Variants in BANP observed in about 807,000 individuals in gnomAD.
BANP encodes protein BANP.
In BANP, 11 loss-of-function variants were observed where a neutral mutation model predicts 68.1. The ratio of observed to expected loss-of-function variants is 0.16; its 90% confidence interval spans 0.10 to 0.27. BANP has a LOEUF of 0.27. Among genes scored for constraint, BANP ranks in the 10% least tolerant of loss-of-function variants. BANP has a pLI of 1.00. For synonymous variants in BANP, 329 were observed against 303.2 expected (o/e 1.09, Z -0.88); for missense variants, 504 against 722.7 (o/e 0.70, Z 3.47).
chr16:88,065,858 C>G (rs935338583), intron 12 of BANP, among the ~76,000 whole-genome samples: 3 of 152,062 alleles, frequency 2.0e-5, no homozygotes, highest in African/African-American at 7.2e-5. Flanking sequence ...CCACAGGATC[C>G]CAGCCCCACA....
intron 11 of BANP, among the ~76,000 whole-genome samples, chr16:88,044,244 C>T (rs532565032): frequency 3.2e-4 from 49 of 152,356 alleles, no homozygotes; most frequent in Non-Finnish European, 6.3e-4. Flanking sequence ...CAAGCCACAG[C>T]AGGAAGCAGC....
At chr16:88,025,073 G>C (rs2076730228) in intron 7 of BANP, among the ~76,000 whole-genome samples, 1 of 152,170 alleles carries the variant, frequency 6.6e-6, no homozygotes, top group Middle Eastern at 3.2e-3. Context: ...GCGGTTCTGA[G>C]GATGTTTCTT....
intron 4 of BANP, among the ~76,000 whole-genome samples, chr16:87,999,441 C>T (rs1371531933): frequency 9.0e-5 from 4 of 44,334 alleles, no homozygotes; most frequent in Admixed American, 3.7e-4. Flanking sequence ...TCTCCATGCA[C>T]GCACGTGCGC....
chr16:88,063,521 G>A (rs566552012), intron 11 of BANP, among the ~76,000 whole-genome samples: 2 of 152,364 alleles, frequency 1.3e-5, no homozygotes, highest in Admixed American at 1.3e-4. Context: ...CGTCTGTGGG[G>A]TGACCGCTGG....
Position 88,006,243 on chromosome 16 carries a change from G to C in BANP, c.633G>C (p.Thr211=), listed in dbSNP as rs372273341. ...GTCAGAGCATCGGGAGCAACGTCACGCTCATCACCCTGAACTCGGAAGGTG... is the reference window on the plus strand; with the variant it reads ...GTCAGAGCATCGGGAGCAACGTCACCCTCATCACCCTGAACTCGGAAGGTG... ...AGSQSIGSNV[T]LITLNSEEDY... Residue 211 remains threonine (T), a synonymous_variant, in exon 6 of 14, where the codon ACG becomes ACC. Transcript: ENST00000682872. 1 of 1,608,774 alleles carries C rather than the reference G, an allele frequency of 6.2e-7. No homozygotes were observed.
At chr16:87,994,002 T>C (rs1255735450) in intron 4 of BANP, among the ~76,000 whole-genome samples, 1 of 152,178 alleles carries the variant, frequency 6.6e-6, no homozygotes, top group Non-Finnish European at 1.5e-5. Flanking sequence ...AATTGAAAGA[T>C]GACGTTAGAG....
Position 88,033,117 on chromosome 16 carries a change from A to G in BANP, c.1072A>G (p.Met358Val). The change falls in exon 9 of 14, where the codon ATG (methionine) becomes GTG (valine). Residue 358 changes from methionine (M) to valine (V), a missense_variant. This residue lies in a region of BANP where 223 missense variants were observed against 246.2 expected (regional missense o/e 0.91). Coordinates refer to ENST00000682872, the MANE Select transcript of BANP (RefSeq NM_001386991.1). ...SSSYCPSEPMMSTPPPASELP... is the reference protein window; with the variant it reads ...SSSYCPSEPMVSTPPPASELP... ...ACCTGTTGCCCCCACAGAGCCGATGATGAGCACCCCACCTCCTGCCAGCGA... is the reference window on the plus strand; with the variant it reads ...ACCTGTTGCCCCCACAGAGCCGATGGTGAGCACCCCACCTCCTGCCAGCGA... The G allele has an allele frequency of 1.2e-6, 2 of 1,604,532 alleles. No individual in the cohort carries two copies. The highest frequency in any genetic ancestry group is 1.7e-4 in the Middle Eastern group (1 of 5,952).
chr16:87,975,227 A>C, intron 2 of BANP, 42 bp downstream of exon 2: 1 of 1,601,126 alleles, frequency 6.2e-7, no homozygotes, highest in South Asian at 1.1e-5. Context: ...TATTCTCTTT[A>C]TTCTTCAAAA....
rs559510380 is a variant in BANP, at chr16:87,961,109, G to C, written c.-69+9594G>C. On this transcript the variant is annotated intron_variant, in intron 1 of 13. Coordinates refer to ENST00000682872, the MANE Select transcript of BANP (RefSeq NM_001386991.1). ...CACGCCTGGGTAAAAGATCCATTTA[G>C]AGTACAAGTCAAGCCAATGGATCTT... Among the ~76,000 whole-genome samples, 3 of 152,332 alleles carry C rather than the reference G, an allele frequency of 2.0e-5. No individual in the cohort carries two copies. The South Asian group carries it at 6.2e-4, about 32-fold the overall frequency.
intron 13 of BANP, among the ~76,000 whole-genome samples, chr16:88,074,786 C>G (rs538807324): frequency 2.0e-5 from 3 of 152,206 alleles, no homozygotes; most frequent in Admixed American, 1.3e-4. Flanking sequence ...TCCCGTTAGG[C>G]CTTCCCAGCT....
intron 9 of BANP, among the ~76,000 whole-genome samples, chr16:88,033,567 C>G (rs369475669): frequency 6.6e-6 from 1 of 152,136 alleles, no homozygotes; most frequent in Non-Finnish European, 1.5e-5. Flanking sequence ...TGCCCCAGCT[C>G]GTGCTCCTGG....
In BANP at chr16:88,071,656, G is replaced by A. The variant is rs755058064; in HGVS notation, c.1378-413G>A. ...GTTTGGGTCTCAGCCTCACGCTCAC[G>A]GTCCTGGCTTGGATTTTAGGCCTCA... On this transcript the variant is annotated intron_variant, in intron 12 of 13. Transcript: ENST00000682872. This position sits in a 1 kb window ranked among gnomAD's most constrained non-coding sequence, Gnocchi z 6.5. 4.3e-5 allele frequency: 20 copies of A among 469,384 alleles called. No homozygotes were observed. The highest frequency in any genetic ancestry group is 3.3e-4 in the East Asian group (5 of 15,338). The allele number at this position is 469,384 out of a possible 1,614,324, so 29.1% of individuals were successfully genotyped here. A position where few individuals can be genotyped will look rare whatever the true frequency, so the allele number is the denominator to read the frequency against.
In BANP at chr16:87,957,545, C is replaced by T. The variant is rs1195489265; in HGVS notation, c.-69+6030C>T. ...GGCCTGCCGCAGGGCCCTGCGCTGA[C>T]AAACCTTTCGCTAGTGACCAGTTAC... On this transcript the variant is annotated intron_variant, in intron 1 of 13. Transcript: ENST00000682872. The surrounding 1 kb of genome is among the most constrained non-coding windows in gnomAD (Gnocchi z 4.3). Among the ~76,000 whole-genome samples, 1 of 152,240 alleles carries T rather than the reference C, an allele frequency of 6.6e-6. No homozygotes were observed. The highest frequency in any genetic ancestry group is 2.4e-5 in the African/African-American group (1 of 41,456).
At position 88,071,960 on chromosome 16, in the gene BANP, CAG is replaced by C. The variant is rs772014966; in HGVS notation, c.1378-108_1378-107del. 14 of 1,438,254 alleles carry C rather than the reference CAG, an allele frequency of 9.7e-6. No individual in the cohort carries two copies. Among genetic ancestry groups the C allele is most frequent in the African/African-American group, 4.2e-5 (3 of 70,836 alleles). 89.1% of individuals were successfully genotyped at this position (1,438,254 alleles called of 1,614,324 possible). A position where few individuals can be genotyped will look rare whatever the true frequency, so the allele number is the denominator to read the frequency against. On this transcript the variant is annotated intron_variant, in intron 12 of 13. Transcript: ENST00000682872. The surrounding 1 kb of genome is among the most constrained non-coding windows in gnomAD (Gnocchi z 6.5). The stretch of plus-strand genomic sequence containing the variant: ...GCCCTGAGGCCGTGTCCCTGCCGCT[CAG>C]GGGACAGCACGTGTGGGCTGGGGTC...
intron 2 of BANP, among the ~76,000 whole-genome samples, chr16:87,976,879 G>T (rs914765229): frequency 2.0e-5 from 3 of 152,150 alleles, no homozygotes; most frequent in Non-Finnish European, 4.4e-5. Context: ...TAGTTCAGAA[G>T]GCAAATGACA....
At chr16:88,058,665 CT>C (rs1275082437) in intron 11 of BANP, among the ~76,000 whole-genome samples, 1 of 152,084 alleles carries the variant, frequency 6.6e-6, no homozygotes, top group Non-Finnish European at 1.5e-5. Flanking sequence ...CGTGTGTGTC[CT>C]GCCCCGGGGT....
At chr16:87,986,121 C>T (rs949164314) in intron 4 of BANP, among the ~76,000 whole-genome samples, 4 of 152,168 alleles carry the variant, frequency 2.6e-5, no homozygotes, top group African/African-American at 9.7e-5. Flanking sequence ...GAATCTTGAC[C>T]ACCAAAGATG....
At chr16:88,053,999 A>C (rs1163944175) in intron 11 of BANP, among the ~76,000 whole-genome samples, 1 of 80,302 alleles carries the variant, frequency 1.2e-5, no homozygotes, top group Non-Finnish European at 3.4e-5. Context: ...ACCATCACCA[A>C]CACAACCACC....
chr16:88,032,060 C>A (rs187084688), intron 8 of BANP, among the ~76,000 whole-genome samples: 5 of 152,136 alleles, frequency 3.3e-5, no homozygotes, highest in African/African-American at 1.2e-4. Flanking sequence ...CCGCCTTGGC[C>A]TCCCAAAGTG....
Sources: gnomAD v4.1 joint callset for allele counts (sites outside exome capture counted in the v4.1 genomes callset) on GRCh38, gnomAD v4.1.1 for gene constraint, gnomAD v4.1.1 regional missense constraint, Gnocchi (gnomAD v3.1) non-coding constraint, MANE v1.5 for transcripts, NCBI Gene and HGNC (gene_info 2026-07-23, HGNC 2026-07-21) for gene names.